Variants in KLHL35 observed in about 807,000 individuals in gnomAD.
KLHL35 encodes the protein kelch like family member 35.
A neutral mutation model predicts 44.0 loss-of-function variants in KLHL35; 50 were observed. That is an observed-to-expected ratio of 1.14 (90% CI 0.91 to 1.44). The LOEUF is 1.44. Ranked by LOEUF, KLHL35 falls within the 40% of genes most tolerant of loss-of-function variation. The pLI is 0.00. For missense variants in KLHL35, 1,049 were observed against 887.8 expected, an observed-to-expected ratio of 1.18 and a Z score of -2.31; for synonymous variants, 470 against 410.4, an observed-to-expected ratio of 1.15 and a Z score of -1.76.
intron 3 of KLHL35, among the ~76,000 whole-genome samples, chr11:75,427,741 C>T (rs1209765042): frequency 6.6e-6 from 1 of 152,224 alleles, no homozygotes; most frequent in Non-Finnish European, 1.5e-5. Flanking sequence ...CCCAGGGTTC[C>T]TTTCTGCATG....
At chr11:75,432,296 TC>T (rs1761711932) in intron 1 of KLHL35, among the ~76,000 whole-genome samples, 1 of 152,150 alleles carries the variant, frequency 6.6e-6, no homozygotes, top group Non-Finnish European at 1.5e-5. Context: ...GGGCAGCGGA[TC>T]CCCTGGTCAG....
In KLHL35 at chr11:75,422,765, T is replaced by C. The variant is rs1948460970; in HGVS notation, c.1567A>G (p.Ser523Gly). 1 of 1,608,470 alleles carries C rather than the reference T, an allele frequency of 6.2e-7. No homozygotes were observed. The highest frequency in any genetic ancestry group is 1.7e-5 in the Admixed American group (1 of 59,968). Residue 523 changes from serine to glycine, a missense_variant, in exon 7 of 7, where the codon AGC (serine) becomes GGC (glycine). Coordinates refer to ENST00000539798, the MANE Select transcript of KLHL35 (RefSeq NM_001039548.3). ...EAAVLPSPVE[S>G]CGVTVCDGKV... ...CCGTCACACACAGTGACTCCACAGC[T>C]TTCCTGGGTGGACAAACAGAAAGAC... is the stretch of plus-strand genomic sequence containing the variant.
chr11:75,430,044 G>C lies in KLHL35; in HGVS notation c.586C>G (p.Pro196Ala), dbSNP rs113404870. The C allele has an allele frequency of 7.1e-7, 1 of 1,412,216 alleles. No homozygotes were observed. The highest frequency in any genetic ancestry group is 9.2e-7 in the Non-Finnish European group (1 of 1,084,956). The allele number at this position is 1,412,216 out of a possible 1,614,324, so 87.5% of individuals were successfully genotyped here. Reference protein sequence around the residue: ...ARHADFLELAPDEVVALLADP... With the variant: ...ARHADFLELAADEVVALLADP... ...GCCAGCAGCGCCACCACCTCGTCAG[G>C]CGCCAGCTCCAGGAAGTCGGCGTGG... The change falls in exon 2 of 7, where the codon CCT (proline) becomes GCT (alanine). Residue 196 changes from proline to alanine, a missense_variant. Pro to Ala is a conservative substitution (Grantham distance 27, BLOSUM62 -1). Coordinates refer to ENST00000539798, the MANE Select transcript of KLHL35 (RefSeq NM_001039548.3).
rs201857455 is a variant in KLHL35, at chr11:75,422,717, G to A, written c.1615C>T (p.Arg539Trp). The change falls in exon 7 of 7, where the codon CGG becomes TGG. Residue 539 changes from arginine to tryptophan, a missense_variant. Arg to Trp is a moderately radical substitution (Grantham distance 101). Coordinates refer to ENST00000539798, the MANE Select transcript of KLHL35 (RefSeq NM_001039548.3). ...CDGKVHILGGRDDRGESTDKV... is the reference protein window; with the variant it reads ...CDGKVHILGGWDDRGESTDKV... Reference sequence around the variant, plus strand: ...TCGGTGCTTTCTCCGCGATCATCCCGCCCGCCAAGGATGTGGACCTTCCCG... The same window carrying A: ...TCGGTGCTTTCTCCGCGATCATCCCACCCGCCAAGGATGTGGACCTTCCCG... The A allele has an allele frequency of 1.1e-4, 172 of 1,613,996 alleles. No individual in the cohort carries two copies. The highest frequency in any genetic ancestry group is 2.5e-4 in the Admixed American group (15 of 60,016).
At chr11:75,426,173 T>G (rs1016257318) in intron 4 of KLHL35, 1 of 169,962 alleles carries the variant, frequency 5.9e-6, no homozygotes, top group Non-Finnish European at 1.3e-5. Context: ...GCCAGGATGG[T>G]CTGGATCTCC....
intron 3 of KLHL35, among the ~76,000 whole-genome samples, chr11:75,427,781 T>G (rs2135081951): frequency 6.6e-6 from 1 of 152,316 alleles, no homozygotes; most frequent in South Asian, 2.1e-4. Context: ...GCCCATACTG[T>G]TCCCTCCAAC....
chr11:75,431,733 G>T (rs1181730296), intron 1 of KLHL35, among the ~76,000 whole-genome samples: 1 of 152,166 alleles, frequency 6.6e-6, no homozygotes, highest in Non-Finnish European at 1.5e-5. Context: ...TATCTCATCT[G>T]AAATGGGATC....
intron 5 of KLHL35, chr11:75,424,130 C>T (rs115446154): frequency 1.8e-4 from 84 of 459,450 alleles, no homozygotes; most frequent in Middle Eastern, 1.2e-3. Flanking sequence ...CCTCATCTTT[C>T]GAGGTCCTGC....
rs549270760 is a variant in KLHL35 at position 75,430,472 on chromosome 11, G to A, written c.158C>T (p.Pro53Leu). 19 of 1,399,306 alleles carry A rather than the reference G, an allele frequency of 1.4e-5. No homozygotes were observed. In the South Asian group the frequency reaches 2.4e-4, roughly 18 times the overall value. The allele number at this position is 1,399,306 out of a possible 1,614,324, so 86.7% of individuals were successfully genotyped here. A position where few individuals can be genotyped will look rare whatever the true frequency, so the allele number is the denominator to read the frequency against. ...CGCGCTGAGCGCCGCGCGGTGGCAC[G>A]GAAAGTCGCGCCCGCCGGCGCGCAG... ...VVLRAGGRDF[P>L]CHRAALSAGS... Residue 53 changes from proline (P) to leucine (L), a missense_variant, in exon 2 of 7, where the codon CCG becomes CTG. Physicochemically the swap from Pro to Leu is moderately conservative, Grantham distance 98. Transcript: ENST00000539798.
rs1948455341 is a variant in KLHL35, at chr11:75,422,405, A to G, written c.*175T>C. ...ACAGGGAGCAAATATTAGACATTCC[A>G]TCTCCAGGCAGGGCAGACTGCAGCT... On this transcript the variant is annotated 3_prime_UTR_variant, in exon 7 of 7. Coordinates refer to ENST00000539798, the MANE Select transcript of KLHL35 (RefSeq NM_001039548.3). 1 of 612,082 alleles carries G rather than the reference A, an allele frequency of 1.6e-6. No homozygotes were observed. The highest frequency in any genetic ancestry group is 2.8e-6 in the Non-Finnish European group (1 of 352,130). The allele number at this position is 612,082 out of a possible 1,614,324, so 37.9% of individuals were successfully genotyped here.
At position 75,428,506 on chromosome 11, in the gene KLHL35, G is replaced by A. The variant is rs779627758; in HGVS notation, c.1002C>T (p.Ser334=). 2 of 1,612,440 alleles carry A rather than the reference G, an allele frequency of 1.2e-6. No individual in the cohort carries two copies. The highest frequency in any genetic ancestry group is 2.2e-5 in the South Asian group (2 of 91,086). ...PESQRWTPLP[S]LPGYTRSEFA... is the part of the protein sequence containing the mutation. ...ATTCTGAGCGAGTGTAGCCGGGCAG[G>A]CTGGGCAGTGGGGTCCACCGCTGGC... Residue 334 remains serine, a synonymous_variant, in exon 3 of 7, where the codon AGC becomes AGT. Coordinates refer to ENST00000539798, the MANE Select transcript of KLHL35 (RefSeq NM_001039548.3).
chr11:75,428,782 G>A, intron 2 of KLHL35, 156 bp from the exon 3 acceptor site: 2 of 602,352 alleles, frequency 3.3e-6, no homozygotes, highest in East Asian at 3.2e-5. Flanking sequence ...GCTAGACCCT[G>A]CCACTTCCAA....
rs1287734903 is a variant in KLHL35 at position 75,425,454 on chromosome 11, G to A, written c.1313C>T (p.Ser438Phe). The stretch of plus-strand genomic sequence containing the variant: ...AATCACGAAGAGCTTGCCCGCGCAG[G>A]ACGCCACCGCCGCCGAGCTCACGGC... ...PEAVSSAAVA[S>F]CAGKLFVIGG... Residue 438 changes from serine (S) to phenylalanine (F), a missense_variant, in exon 5 of 7, where the codon TCC becomes TTC. Ser to Phe is a radical substitution (Grantham distance 155, BLOSUM62 -2). Transcript: ENST00000539798. The A allele has an allele frequency of 1.3e-6, 2 of 1,572,004 alleles. No homozygotes were observed. The highest frequency in any genetic ancestry group is 1.4e-5 in the African/African-American group (1 of 73,466).
intron 4 of KLHL35, chr11:75,426,202 G>A (rs370415534): frequency 5.9e-4 from 69 of 116,404 alleles, no homozygotes; most frequent in Non-Finnish European, 1.0e-3. Context: ...TGATCCGCCC[G>A]CCTTGGCCTC....
intron 3 of KLHL35, 95 bp downstream of exon 3, chr11:75,428,346 GC>G: frequency 7.2e-7 from 1 of 1,385,458 alleles, no homozygotes; most frequent in Middle Eastern, 2.4e-4. Flanking sequence ...AAAACATCCC[GC>G]CCCTCTCTCC....
rs1948520516 is a variant in KLHL35, at chr11:75,429,967, C to A, written c.663G>T (p.Met221Ile). 1.3e-5 allele frequency: 18 copies of A among 1,438,540 alleles called. No homozygotes were observed. The highest frequency in any genetic ancestry group is 3.0e-5 in the African/African-American group (2 of 66,930). The allele number at this position is 1,438,540 out of a possible 1,614,324, so 89.1% of individuals were successfully genotyped here. A position where few individuals can be genotyped will look rare whatever the true frequency, so the allele number is the denominator to read the frequency against. ...AREEAVFEAA[M>I]RWVRHDAPAR... ...CCGGCGCGTCGTGGCGCACCCAGCG[C>A]ATGGCCGCTTCAAACACGGCCTCCT... The change falls in exon 2 of 7, where the codon ATG becomes ATT. Residue 221 changes from methionine to isoleucine, a missense_variant. Coordinates refer to ENST00000539798, the MANE Select transcript of KLHL35 (RefSeq NM_001039548.3).
rs368492882 is a variant in KLHL35, at chr11:75,422,690, T to C, written c.1642A>G (p.Lys548Glu). The change falls in exon 7 of 7, where the codon AAG becomes GAG. Residue 548 changes from lysine (K) to glutamate (E), a missense_variant. Transcript: ENST00000539798. ...GRDDRGESTDKVFTFDPSSGQ... is the reference protein window; with the variant it reads ...GRDDRGESTDEVFTFDPSSGQ... ...CTGCTGGGGTCAAAGGTGAAGACCT[T>C]ATCGGTGCTTTCTCCGCGATCATCC... 8.1e-6 allele frequency: 13 copies of C among 1,613,928 alleles called. No individual in the cohort carries two copies. The highest frequency in any genetic ancestry group is 1.1e-5 in the Non-Finnish European group (13 of 1,179,898).
At chr11:75,424,735 G>A (rs1209835954) in intron 5 of KLHL35, 2 of 152,208 alleles carry the variant, frequency 1.3e-5, no homozygotes, top group South Asian at 2.1e-4. Flanking sequence ...GGCTTATGAG[G>A]CCATCAGGGG....
chr11:75,423,822 G>A lies in KLHL35; in HGVS notation c.1433C>T (p.Ser478Leu). 2 of 1,613,912 alleles carry A rather than the reference G, an allele frequency of 1.2e-6. No individual in the cohort carries two copies. The highest frequency in any genetic ancestry group is 1.1e-5 in the South Asian group (1 of 91,088). Residue 478 changes from serine (S) to leucine (L), a missense_variant, in exon 6 of 7, where the codon TCA (serine) becomes TTA (leucine). Ser to Leu is a moderately radical substitution (Grantham distance 145). Coordinates refer to ENST00000539798, the MANE Select transcript of KLHL35 (RefSeq NM_001039548.3). ...GGAGACAGCCTCGAGACACCGCTGT[G>A]AGAAGGGTGCTGGTGACCGCAGGCT... ...RWSLRSPAPF[S>L]QRCLEAVSLE...
Sources: gnomAD v4.1 joint callset for allele counts (sites outside exome capture counted in the v4.1 genomes callset) on GRCh38, gnomAD v4.1.1 for gene constraint, MANE v1.5 for transcripts, NCBI Gene and HGNC (gene_info 2026-07-23, HGNC 2026-07-21) for gene names.